Variants in CACNA1D observed in about 807,000 individuals in gnomAD.
The protein encoded by CACNA1D is voltage-dependent L-type calcium channel subunit alpha-1D.
CACNA1D carries 55 observed loss-of-function variants against 257.1 expected under a neutral mutation model. The ratio of observed to expected loss-of-function variants is 0.21; its 90% CI spans 0.17 to 0.27. The LOEUF (loss-of-function observed/expected upper bound fraction) is 0.27, where lower values mean the gene tolerates loss of function less well. Ranked by LOEUF, CACNA1D falls within the 10% of genes least tolerant of loss-of-function variation. The probability of loss-of-function intolerance (pLI) is 1.00; values close to 1 mark genes in which losing one functional copy is unlikely to be tolerated. For synonymous variants in CACNA1D, 980 were observed against 1,014.9 expected (o/e 0.97, Z 0.65); for missense variants, 1,876 against 2,784.0 (o/e 0.67, Z 7.34).
chr3:53,606,341 C>A (rs990299033), intron 3 of CACNA1D, among the ~76,000 whole-genome samples: 1 of 152,234 alleles, frequency 6.6e-6, no homozygotes, highest in Non-Finnish European at 1.5e-5. Flanking sequence ...ATGTCAGTTA[C>A]GATTAATGTG....
At chr3:53,543,706 G>A (rs1210544944) in intron 3 of CACNA1D, among the ~76,000 whole-genome samples, 1 of 152,176 alleles carries the variant, frequency 6.6e-6, no homozygotes, top group East Asian at 1.9e-4. Context: ...AATCACAGTG[G>A]TAGAGGCACT....
At chr3:53,504,890 T>TA (rs2090760351) in intron 3 of CACNA1D, among the ~76,000 whole-genome samples, 1 of 152,156 alleles carries the variant, frequency 6.6e-6, no homozygotes. Flanking sequence ...TGCTACCTCT[T>TA]ACTTCTCTGG....
At chr3:53,659,438 A>G (rs1217518756) in intron 4 of CACNA1D, among the ~76,000 whole-genome samples, 2 of 152,230 alleles carry the variant, frequency 1.3e-5, no homozygotes, top group African/African-American at 2.4e-5. Context: ...TTGACTACAT[A>G]TAACATATTA....
intron 8 of CACNA1D, among the ~76,000 whole-genome samples, chr3:53,691,848 A>AAT (rs1355748053): frequency 3.5e-5 from 4 of 114,082 alleles, no homozygotes; most frequent in Non-Finnish European, 5.2e-5. Context: ...TTACATATAT[A>AAT]ATATATAATA....
In CACNA1D at chr3:53,611,785, A is replaced by AT. The variant is rs144372019; in HGVS notation, c.484-38987dup. Among the ~76,000 whole-genome samples, 643 of 152,220 alleles carry AT rather than the reference A, an allele frequency of 4.2e-3. 23 individuals carry two copies. In the East Asian group the frequency reaches 0.084, roughly 20 times the overall value. On this transcript the variant is annotated intron_variant, in intron 3 of 47. Coordinates refer to ENST00000350061, the MANE Select transcript of CACNA1D (RefSeq NM_001128840.3). ...TAGTGTCTAGTTCAAGGATAAGCAA[A>AT]TTTTTTTCTATAAAAGATCAGATAG...
intron 3 of CACNA1D, among the ~76,000 whole-genome samples, chr3:53,563,534 A>C (rs1261313622): frequency 1.3e-4 from 2 of 15,932 alleles, no homozygotes; most frequent in Non-Finnish European, 4.0e-4. Flanking sequence ...ACTCTGTCTC[A>C]AAAAAAAAAA....
chr3:53,646,164 G>C, intron 3 of CACNA1D, among the ~76,000 whole-genome samples: 1 of 152,188 alleles, frequency 6.6e-6, no homozygotes, highest in East Asian at 1.9e-4. Context: ...CCATGACTTG[G>C]AGTGAAGCAC....
chr3:53,504,620 C>T (rs1356972529), intron 3 of CACNA1D, among the ~76,000 whole-genome samples: 1 of 152,054 alleles, frequency 6.6e-6, no homozygotes, highest in East Asian at 1.9e-4. Flanking sequence ...CAGTAATAGC[C>T]CTCCTAGTTC....
At chr3:53,719,721 A>C (rs1232982727) in intron 10 of CACNA1D, 34 bp from the exon 11 acceptor site, 1 of 1,608,004 alleles carries the variant, frequency 6.2e-7, no homozygotes, top group Non-Finnish European at 8.5e-7. Flanking sequence ...AGCCCTCGGA[A>C]CCAGAATCTT....
intron 8 of CACNA1D, among the ~76,000 whole-genome samples, chr3:53,698,129 A>G (rs764383064): frequency 6.6e-6 from 1 of 152,240 alleles, no homozygotes; most frequent in Non-Finnish European, 1.5e-5. Flanking sequence ...AGCCTCTTTT[A>G]AAAATCAGAC....
At chr3:53,596,721 C>T (rs916438117) in intron 3 of CACNA1D, among the ~76,000 whole-genome samples, 6 of 152,186 alleles carry the variant, frequency 3.9e-5, no homozygotes, top group African/African-American at 1.4e-4. Context: ...GCCCTAGAGC[C>T]TCCAGAGGAG....
intron 3 of CACNA1D, among the ~76,000 whole-genome samples, chr3:53,617,673 A>G (rs1030524321): frequency 3.9e-5 from 6 of 152,190 alleles, no homozygotes; most frequent in Admixed American, 3.3e-4. Context: ...TTGACTACCC[A>G]GCAAGGACTA....
chr3:53,706,734 T>G (rs1253343242), intron 9 of CACNA1D, among the ~76,000 whole-genome samples: 1 of 152,176 alleles, frequency 6.6e-6, no homozygotes, highest in Admixed American at 6.5e-5. Flanking sequence ...GTGTACATTA[T>G]ACCCAGTAAG....
intron 9 of CACNA1D, among the ~76,000 whole-genome samples, chr3:53,708,955 G>T (rs562458134): frequency 6.6e-6 from 1 of 152,276 alleles, no homozygotes; most frequent in South Asian, 2.1e-4. Context: ...AAAGCAAAAT[G>T]TTGGCTCTTT....
At position 53,621,534 on chromosome 3, in the gene CACNA1D, C is replaced by G. The variant is rs2093696798; in HGVS notation, c.484-29245C>G. Among the ~76,000 whole-genome samples, 3 of 152,178 alleles carry G rather than the reference C, an allele frequency of 2.0e-5. No individual in the cohort carries two copies. In the South Asian group the frequency reaches 6.2e-4, roughly 31 times the overall value. ...TAAGTGTAACATAGGCTTAAACATACTTGCATGAAGAAAACAAAGGACTTA... is the reference window on the plus strand; with the variant it reads ...TAAGTGTAACATAGGCTTAAACATAGTTGCATGAAGAAAACAAAGGACTTA... On this transcript the variant is annotated intron_variant, in intron 3 of 47. Transcript: ENST00000350061.
At chr3:53,767,289 G>A (rs1371026652) in intron 30 of CACNA1D, among the ~76,000 whole-genome samples, 2 of 152,154 alleles carry the variant, frequency 1.3e-5, no homozygotes, top group Non-Finnish European at 2.9e-5. Flanking sequence ...TGGAGGTCTG[G>A]CGCAGTGGCT....
chr3:53,578,384 C>T (rs907397694), intron 3 of CACNA1D, among the ~76,000 whole-genome samples: 6 of 152,128 alleles, frequency 3.9e-5, no homozygotes, highest in Non-Finnish European at 7.4e-5. Flanking sequence ...AGGGAGCTGA[C>T]AGCTTCATTC....
At chr3:53,746,929 T>C (rs1411084640) in intron 25 of CACNA1D, among the ~76,000 whole-genome samples, 2 of 152,184 alleles carry the variant, frequency 1.3e-5, no homozygotes, top group Non-Finnish European at 2.9e-5. Flanking sequence ...GTGGGTTCGT[T>C]TCCTAGAGCC....
intron 30 of CACNA1D, among the ~76,000 whole-genome samples, chr3:53,769,753 A>G (rs1215619154): frequency 6.6e-6 from 1 of 152,226 alleles, no homozygotes; most frequent in Non-Finnish European, 1.5e-5. Context: ...GCATGTCCCC[A>G]GATGTGAATT....
Sources: allele counts gnomAD v4.1 joint callset (sites outside exome capture counted in the v4.1 genomes callset), GRCh38; gene constraint gnomAD v4.1.1; transcripts MANE v1.5; gene names NCBI Gene and HGNC (gene_info 2026-07-23, HGNC 2026-07-21).